TERF1: variants seen among roughly 807,000 people sequenced by gnomAD.
TERF1 encodes telomeric repeat-binding factor 1.
A neutral mutation model predicts 55.1 loss-of-function variants in TERF1; 20 were observed. That is an observed-to-expected ratio of 0.36 (90% confidence interval 0.26 to 0.53). TERF1 has a LOEUF of 0.53. Among genes scored for constraint, TERF1 ranks in the 20% least tolerant of loss-of-function variants. The pLI is 0.91. For synonymous variants in TERF1, 168 were observed against 181.2 expected (o/e 0.93, Z 0.59); for missense variants, 439 against 535.7 (o/e 0.82, Z 1.78).
intron 9 of TERF1, among the ~76,000 whole-genome samples, chr8:73,042,463 T>TAA (rs201566363): frequency 6.8e-6 from 1 of 148,096 alleles, no homozygotes; most frequent in African/African-American, 2.5e-5. Flanking sequence ...TTGAGGTTTT[T>TAA]AAAAAAAAAA....
chr8:73,037,710 T>TA (rs1491573972), intron 8 of TERF1, among the ~76,000 whole-genome samples: 1 of 71,802 alleles, frequency 1.4e-5, no homozygotes, highest in Non-Finnish European at 2.5e-5. Flanking sequence ...AATATTATAT[T>TA]ATATATAATA....
chr8:73,043,616 C>T (rs948157511), intron 9 of TERF1, among the ~76,000 whole-genome samples: 6 of 152,072 alleles, frequency 3.9e-5, no homozygotes, highest in Non-Finnish European at 8.8e-5. Context: ...CAGCCTTGGG[C>T]TGGGTTTTGG....
chr8:73,023,600 C>T (rs766019955), intron 4 of TERF1, among the ~76,000 whole-genome samples: 54 of 152,238 alleles, frequency 3.5e-4, no homozygotes, highest in Non-Finnish European at 6.5e-4. Context: ...CTCCATAGCA[C>T]TATGAGACTA....
chr8:73,018,473 C>G (rs575914972), intron 2 of TERF1, among the ~76,000 whole-genome samples: 1 of 151,894 alleles, frequency 6.6e-6, no homozygotes, highest in Non-Finnish European at 1.5e-5. Flanking sequence ...GTCAGGAGTT[C>G]GAGACCAGCC....
At position 73,013,793 on chromosome 8, in the gene TERF1, T is replaced by C. The variant is rs999918327; in HGVS notation, c.320-102T>C. 2.9e-5 allele frequency: 19 copies of C among 656,022 alleles called. No individual in the cohort carries two copies. The African/African-American group carries it at 3.2e-4, about 11-fold the overall frequency. 40.6% of individuals were successfully genotyped at this position (656,022 alleles called of 1,614,324 possible). A position where few individuals can be genotyped will look rare whatever the true frequency, so the allele number is the denominator to read the frequency against. ...TAAATGTACAACTCTAAATTTATGA[T>C]AATTTTTACAATATGTTTGTAGCCT... is the stretch of plus-strand genomic sequence containing the variant. On this transcript the variant is annotated intron_variant, in intron 1 of 9. Transcript: ENST00000276603.
At chr8:73,014,120 GGT>G (rs753694239) in intron 2 of TERF1, 130 bp downstream of exon 2, 20,413 of 600,106 alleles carry the variant, frequency 0.034, no homozygotes, top group East Asian at 0.043. Context: ...GTGGGGGGGT[GGT>G]GTGTGTGTGT....
chr8:73,045,593 A>G lies in TERF1; in HGVS notation c.1144-368A>G, dbSNP rs118102755. ...TCACTGAGTTCATTAGTGAACTACT[A>G]AACATTCACAAAGCCTATTTGGAGA... On this transcript the variant is annotated intron_variant, in intron 9 of 9. Transcript: ENST00000276603. 2.6e-5 allele frequency among the ~76,000 whole-genome samples: 4 copies of G among 152,302 alleles called. No homozygotes were observed. The East Asian group carries it at 5.8e-4, about 22-fold the overall frequency.
intron 3 of TERF1, among the ~76,000 whole-genome samples, chr8:73,021,093 TAATG>T (rs989930575): frequency 6.6e-6 from 1 of 152,142 alleles, no homozygotes; most frequent in African/African-American, 2.4e-5. Flanking sequence ...TATTTTTAAT[TAATG>T]GTAAATTTTA....
In TERF1 at chr8:73,039,813, GTGTT is replaced by G. The variant is rs1403878107; in HGVS notation, c.1143+596_1143+599del. Among the ~76,000 whole-genome samples the G allele has an allele frequency of 9.9e-5, 14 of 141,168 alleles. No individual in the cohort carries two copies. The South Asian group carries it at 1.1e-3, about 11-fold the overall frequency. The allele number at this position is 141,168 out of a possible 152,430, so 92.6% of individuals were successfully genotyped here. On this transcript the variant is annotated intron_variant, in intron 9 of 9. Transcript: ENST00000276603. ...TGTGTGTGTGTGTGTGTGTGTGTGT[GTGTT>G]TCCCCCTTTTTTTTGTAGAGATGGT...
chr8:73,018,197 C>T (rs1808603704), intron 2 of TERF1, among the ~76,000 whole-genome samples: 1 of 151,806 alleles, frequency 6.6e-6, no homozygotes, highest in African/African-American at 2.4e-5. Flanking sequence ...ATCTTAAGTA[C>T]CTGACACAGA....
chr8:73,040,274 G>T (rs1809779618), intron 9 of TERF1, among the ~76,000 whole-genome samples: 1 of 151,998 alleles, frequency 6.6e-6, no homozygotes, highest in Non-Finnish European at 1.5e-5. Context: ...AGATTTAGGG[G>T]GTGTACCTCA....
Position 73,033,249 on chromosome 8 carries a change from C to T in TERF1, c.1039+1116C>T, listed in dbSNP as rs535072940. On this transcript the variant is annotated intron_variant, in intron 8 of 9. Transcript: ENST00000276603. ...AATAGAGTTCTAAAATATTTACATT[C>T]ATAGATATCATTCCCATTTTTAAAG... Among the ~76,000 whole-genome samples, 28 of 152,088 alleles carry T rather than the reference C, an allele frequency of 1.8e-4. No individual in the cohort carries two copies. In the South Asian group the frequency reaches 5.6e-3, roughly 30 times the overall value.
intron 7 of TERF1, chr8:73,031,804 A>G (rs558130784): frequency 3.2e-6 from 1 of 314,328 alleles, no homozygotes; most frequent in East Asian, 5.0e-5. Flanking sequence ...TTCTTCTGAG[A>G]CATCAAAAAA....
intron 6 of TERF1, among the ~76,000 whole-genome samples, chr8:73,028,563 G>A (rs1488369885): frequency 7.3e-6 from 1 of 137,816 alleles, no homozygotes; most frequent in African/African-American, 2.7e-5. Context: ...AAAGCCTTAC[G>A]TAGACCCATT....
In TERF1 at chr8:73,009,140, C is replaced by G. The variant is rs1808161109; in HGVS notation, c.254C>G (p.Ser85Cys). The change falls in exon 1 of 10, where the codon TCT becomes TGT. Residue 85 changes from serine to cysteine, a missense_variant. Physicochemically the swap from Ser to Cys is moderately radical, Grantham distance 112. Coordinates refer to ENST00000276603, the MANE Select transcript of TERF1 (RefSeq NM_017489.3). ...AGWMLDFLCL[S>C]LCRAFRDGRS... ...TGGATGCTCGATTTCCTCTGCCTCT[C>G]TCTTTGCCGAGCTTTCCGCGACGGC... 8.1e-6 allele frequency: 13 copies of G among 1,611,418 alleles called. No individual in the cohort carries two copies. The highest frequency in any genetic ancestry group is 1.1e-5 in the Non-Finnish European group (13 of 1,179,838).
At chr8:73,045,260 G>A (rs1169731537) in intron 9 of TERF1, among the ~76,000 whole-genome samples, 1 of 152,170 alleles carries the variant, frequency 6.6e-6, no homozygotes, top group Non-Finnish European at 1.5e-5. Flanking sequence ...AAGAAAATCT[G>A]AAGTGCTGGA....
intron 8 of TERF1, among the ~76,000 whole-genome samples, chr8:73,033,918 A>AT (rs1254479373): frequency 6.6e-6 from 1 of 152,054 alleles, no homozygotes; most frequent in Non-Finnish European, 1.5e-5. Flanking sequence ...GAGGCTAATA[A>AT]TTTTGTTTGT....
rs752867787 is a variant in TERF1 at position 73,009,084 on chromosome 8, G to C, written c.198G>C (p.Leu66=). The change falls in exon 1 of 10, where the codon CTG becomes CTC. Residue 66 remains leucine (L), a synonymous_variant. Transcript: ENST00000276603. ...AGGAGGAGGAGGAGGACGCGGGCCT[G>C]GTGGCCGAGGCCGAGGCCGTGGCTG... is the stretch of plus-strand genomic sequence containing the variant. ...EEEEEEEDAG[L]VAEAEAVAAG... 4 of 1,609,462 alleles carry C rather than the reference G, an allele frequency of 2.5e-6. No individual in the cohort carries two copies. Among genetic ancestry groups the C allele is most frequent in the African/African-American group, 1.3e-5 (1 of 74,824 alleles).
intron 9 of TERF1, among the ~76,000 whole-genome samples, chr8:73,044,270 CAAACAA>C (rs1246793170): frequency 6.6e-6 from 1 of 152,104 alleles, no homozygotes; most frequent in Non-Finnish European, 1.5e-5. Context: ...GTGCTGCAGA[CAAACAA>C]AAGCAAAAGC....
Sources: allele counts gnomAD v4.1 joint callset (sites outside exome capture counted in the v4.1 genomes callset), GRCh38; gene constraint gnomAD v4.1.1; transcripts MANE v1.5; gene names NCBI Gene and HGNC (gene_info 2026-07-23, HGNC 2026-07-21).